SCEL: variants seen among roughly 807,000 people sequenced by gnomAD.
SCEL encodes the protein sciellin.
Under a neutral mutation model 117.6 loss-of-function variants are expected in SCEL, and 113 were observed. The ratio of observed to expected loss-of-function variants is 0.96; its 90% CI spans 0.83 to 1.12. The LOEUF (loss-of-function observed/expected upper bound fraction) is 1.12, where lower values mean the gene tolerates loss of function less well. Ranked by LOEUF, SCEL falls within the 50% of genes most tolerant of loss-of-function variation. The probability of loss-of-function intolerance (pLI) is 0.00; values close to 1 mark genes in which losing one functional copy is unlikely to be tolerated. For missense variants in SCEL, 785 were observed against 810.8 expected (o/e 0.97, Z 0.39); for synonymous variants, 270 against 256.2 (o/e 1.05, Z -0.51).
At chr13:77,577,316 G>T (rs1171803246) in intron 9 of SCEL, among the ~76,000 whole-genome samples, 1 of 152,096 alleles carries the variant, frequency 6.6e-6, no homozygotes, top group Non-Finnish European at 1.5e-5. Flanking sequence ...GGAGGCCTCA[G>T]GAAATTTATG....
Position 77,609,135 on chromosome 13 carries a change from C to T in SCEL, c.1277+18C>T. 6.4e-7 allele frequency: 1 copy of T among 1,566,676 alleles called. No individual in the cohort carries two copies. Among genetic ancestry groups the T allele is most frequent in the Non-Finnish European group, 8.6e-7 (1 of 1,158,194 alleles). ...ACTGAAGGGTAAGATTTAATAAGCT[C>T]CCTTTTTTGTTTCATAGTAACCAAT... On this transcript the variant is annotated intron_variant, in intron 21 of 32. Coordinates refer to ENST00000349847, the MANE Select transcript of SCEL (RefSeq NM_144777.3).
chr13:77,591,862 T>A (rs1483622564), intron 11 of SCEL, among the ~76,000 whole-genome samples: 2 of 152,164 alleles, frequency 1.3e-5, no homozygotes, highest in Non-Finnish European at 2.9e-5. Context: ...AGCACATTGA[T>A]GCCATTTGTT....
chr13:77,644,131 C>A, intron 32 of SCEL, 127 bp from the exon 33 acceptor site: 1 of 989,876 alleles, frequency 1.0e-6, no homozygotes, highest in Non-Finnish European at 1.6e-6. Context: ...GCGATTATTT[C>A]AGAAGTGGAA....
rs948387647 is a variant in SCEL at position 77,609,083 on chromosome 13, A to G, written c.1243A>G (p.Lys415Glu). The part of the protein sequence containing the change: ...QGSKDLNNFI[K>E]VYPGTEKSTE... ...TTCCAAAGACCTTAATAACTTCATC[A>G]AAGTGTATCCAGGAACAGAAAAAAG... The change falls in exon 21 of 33, where the codon AAA (lysine) becomes GAA (glutamate). Residue 415 changes from lysine (K) to glutamate (E), a missense_variant. By Grantham distance (56) the Lys-to-Glu change is moderately conservative. Coordinates refer to ENST00000349847, the MANE Select transcript of SCEL (RefSeq NM_144777.3). 2.5e-6 allele frequency: 4 copies of G among 1,596,648 alleles called. No homozygotes were observed. Among genetic ancestry groups the G allele is most frequent in the East Asian group, 2.2e-5 (1 of 44,574 alleles).
intron 27 of SCEL, among the ~76,000 whole-genome samples, chr13:77,619,220 G>A (rs2089271890): frequency 6.6e-6 from 1 of 152,130 alleles, no homozygotes; most frequent in African/African-American, 2.4e-5. Context: ...ACATCTCCTA[G>A]CTTGTTTTCT....
At chr13:77,539,588 A>AC (rs2083589751) in intron 1 of SCEL, among the ~76,000 whole-genome samples, 1 of 151,700 alleles carries the variant, frequency 6.6e-6, no homozygotes, top group Non-Finnish European at 1.5e-5. Flanking sequence ...CCCAGGCTGG[A>AC]CTGCAGTGGC....
intron 1 of SCEL, among the ~76,000 whole-genome samples, chr13:77,543,055 T>A (rs1199316369): frequency 6.6e-6 from 1 of 151,840 alleles, no homozygotes; most frequent in Non-Finnish European, 1.5e-5. Context: ...ACCCCTTTTC[T>A]GTATTTGTTT....
intron 1 of SCEL, among the ~76,000 whole-genome samples, chr13:77,547,899 G>T (rs999084312): frequency 1.3e-5 from 2 of 152,066 alleles, no homozygotes; most frequent in African/African-American, 2.4e-5. Flanking sequence ...AGAACCTCTG[G>T]GATGCTCCCT....
chr13:77,571,129 T>G (rs1277095767), intron 8 of SCEL, among the ~76,000 whole-genome samples: 1 of 149,636 alleles, frequency 6.7e-6, no homozygotes, highest in African/African-American at 2.5e-5. Flanking sequence ...TGCGCCTAGC[T>G]CGCTCACAGT....
chr13:77,602,842 T>C (rs1227248945), intron 17 of SCEL, 129 bp downstream of exon 17: 1 of 759,764 alleles, frequency 1.3e-6, no homozygotes. Flanking sequence ...TGATCTTCAC[T>C]TCAAAGAATC....
At chr13:77,538,799 C>T (rs553885846) in intron 1 of SCEL, among the ~76,000 whole-genome samples, 2 of 152,294 alleles carry the variant, frequency 1.3e-5, no homozygotes, top group South Asian at 4.1e-4. Context: ...GTTTCCCTGA[C>T]TCTAAAATGT....
intron 1 of SCEL, among the ~76,000 whole-genome samples, chr13:77,550,388 A>ATATG (rs1491296737): frequency 0.033 from 26 of 792 alleles, no homozygotes; most frequent in African/African-American, 0.044. Flanking sequence ...TTTGTCTAAA[A>ATATG]TATATATATA....
intron 9 of SCEL, among the ~76,000 whole-genome samples, chr13:77,580,936 AT>A (rs2086229935): frequency 6.6e-6 from 1 of 152,074 alleles, no homozygotes; most frequent in African/African-American, 2.4e-5. Flanking sequence ...GAGGAAAAAA[AT>A]ATCCTGATTG....
chr13:77,607,242 G>A (rs1030909423), intron 19 of SCEL, among the ~76,000 whole-genome samples: 1 of 152,060 alleles, frequency 6.6e-6, no homozygotes, highest in Admixed American at 6.6e-5. Context: ...ATGGAGACAG[G>A]ATCTTGCTAT....
chr13:77,547,754 G>A (rs1311894304), intron 1 of SCEL, among the ~76,000 whole-genome samples: 5 of 152,178 alleles, frequency 3.3e-5, no homozygotes, highest in African/African-American at 9.7e-5. Context: ...TGTTAGCTAG[G>A]TATTCTCCAG....
intron 1 of SCEL, among the ~76,000 whole-genome samples, chr13:77,541,229 T>C (rs2154393707): frequency 6.6e-6 from 1 of 152,214 alleles, no homozygotes; most frequent in East Asian, 1.9e-4. Context: ...ATGGATAATT[T>C]ATAAAATAAG....
chr13:77,601,085 G>A (rs2087642600), intron 15 of SCEL, among the ~76,000 whole-genome samples: 1 of 150,122 alleles, frequency 6.7e-6, no homozygotes, highest in Admixed American at 6.7e-5. Flanking sequence ...TTTTAAAAAT[G>A]TGGAATAGAT....
rs1029672688 is a variant in SCEL at position 77,644,384 on chromosome 13, T to A, written c.*110T>A. On this transcript the variant is annotated 3_prime_UTR_variant, in exon 33 of 33. Transcript: ENST00000349847. ...AAGCTTTCACATTGAAGATCAACTC[T>A]TGTACAAAATTAACAATTCTGTTAT... 6.5e-6 allele frequency: 7 copies of A among 1,079,122 alleles called. No individual in the cohort carries two copies. The Admixed American group carries it at 1.2e-4, about 19-fold the overall frequency. The allele number at this position is 1,079,122 out of a possible 1,614,324, so 66.8% of individuals were successfully genotyped here.
At chr13:77,607,086 T>C (rs891407096) in intron 19 of SCEL, among the ~76,000 whole-genome samples, 1 of 152,216 alleles carries the variant, frequency 6.6e-6, no homozygotes, top group Non-Finnish European at 1.5e-5. Flanking sequence ...TGTCCCAGGC[T>C]GGAGTGCAGT....
Sources: gnomAD v4.1 joint callset for allele counts (sites outside exome capture counted in the v4.1 genomes callset) on GRCh38, gnomAD v4.1.1 for gene constraint, MANE v1.5 for transcripts, NCBI Gene and HGNC (gene_info 2026-07-23, HGNC 2026-07-21) for gene names.